Variants in NLGN1 observed in about 807,000 individuals in gnomAD.
NLGN1 encodes neuroligin-1.
NLGN1 carries 12 observed loss-of-function variants against 65.5 expected under a neutral mutation model. The observed-to-expected ratio is 0.18, with a 90% CI of 0.12 to 0.30. The LOEUF is 0.30. Ranked by LOEUF, NLGN1 falls within the 10% of genes least tolerant of loss-of-function variation. NLGN1 has a pLI of 1.00. For missense variants in NLGN1, 750 were observed against 1,007.1 expected (o/e 0.74, Z 3.46); for synonymous variants, 350 against 359.5 (o/e 0.97, Z 0.30).
At chr3:173,642,766 T>C (rs1209222523) in intron 3 of NLGN1, among the ~76,000 whole-genome samples, 1 of 152,078 alleles carries the variant, frequency 6.6e-6, no homozygotes, top group Non-Finnish European at 1.5e-5. Flanking sequence ...TGCAAACATA[T>C]CCAGCACCCA....
intron 4 of NLGN1, among the ~76,000 whole-genome samples, chr3:174,138,762 T>G (rs1721721826): frequency 6.6e-6 from 1 of 152,160 alleles, no homozygotes; most frequent in African/African-American, 2.4e-5. Context: ...TAGTTCTTTA[T>G]GCACAGCTGC....
chr3:174,114,063 G>A (rs144762901), intron 4 of NLGN1, among the ~76,000 whole-genome samples: 1 of 152,060 alleles, frequency 6.6e-6, no homozygotes, highest in Non-Finnish European at 1.5e-5. Context: ...TTTAGATTAA[G>A]TGGTACAAAA....
intron 4 of NLGN1, among the ~76,000 whole-genome samples, chr3:174,014,582 A>G (rs1366928203): frequency 6.6e-6 from 1 of 152,196 alleles, no homozygotes; most frequent in Non-Finnish European, 1.5e-5. Context: ...CACTCTTTGC[A>G]TGTATCTCAT....
downstream of NLGN1, among the ~76,000 whole-genome samples, chr3:174,289,653 A>G (rs1000085238): frequency 6.6e-6 from 1 of 151,138 alleles, no homozygotes; most frequent in Non-Finnish European, 1.5e-5. Flanking sequence ...TAAGATGTGA[A>G]TTTAGGCCAG....
chr3:174,112,869 A>C (rs553945888), intron 4 of NLGN1, among the ~76,000 whole-genome samples: 1 of 151,948 alleles, frequency 6.6e-6, no homozygotes. Context: ...GTCAGTGAAC[A>C]TATGAATTCA....
rs550225254 is a variant in NLGN1 at position 173,565,797 on chromosome 3, A to G, written c.-320-38482A>G. Among the ~76,000 whole-genome samples, 11 of 152,350 alleles carry G rather than the reference A, an allele frequency of 7.2e-5. No individual in the cohort carries two copies. The East Asian group carries it at 1.7e-3, about 24-fold the overall frequency. On this transcript the variant is annotated intron_variant, in intron 2 of 6. Transcript: ENST00000457714. ...ACCTGACAATTTTTATTTGAGCACA[A>G]TTAATTGCAAGGAAGATGAAGCAGA...
intron 4 of NLGN1, among the ~76,000 whole-genome samples, chr3:173,996,979 T>C (rs1459693860): frequency 1.3e-5 from 2 of 151,204 alleles, no homozygotes; most frequent in Admixed American, 6.6e-5. Flanking sequence ...CAAGACAATG[T>C]TTTTTAAATA....
chr3:173,518,760 T>G (rs140816800), intron 2 of NLGN1, among the ~76,000 whole-genome samples: 156 of 152,246 alleles, frequency 1.0e-3, no homozygotes, highest in African/African-American at 3.5e-3. Flanking sequence ...TGTAAAACTT[T>G]GAAAAATGTG....
intron 2 of NLGN1, among the ~76,000 whole-genome samples, chr3:173,488,790 A>G (rs1208507797): frequency 1.3e-5 from 2 of 151,932 alleles, no homozygotes; most frequent in African/African-American, 4.8e-5. Context: ...GATCATTAAT[A>G]TATTGTATCT....
chr3:174,211,068 T>C (rs981967312), intron 4 of NLGN1, among the ~76,000 whole-genome samples: 1 of 152,144 alleles, frequency 6.6e-6, no homozygotes, highest in Non-Finnish European at 1.5e-5. Flanking sequence ...TTCCTTCTGG[T>C]GGGTTCGTGG....
chr3:173,993,961 C>G (rs1721700814), intron 4 of NLGN1, among the ~76,000 whole-genome samples: 1 of 151,432 alleles, frequency 6.6e-6, no homozygotes, highest in African/African-American at 2.4e-5. Flanking sequence ...AACTAGGAAC[C>G]CAATTTAAGG....
intron 4 of NLGN1, among the ~76,000 whole-genome samples, chr3:174,227,249 T>A (rs1430568941): frequency 6.6e-6 from 1 of 152,172 alleles, no homozygotes; most frequent in Non-Finnish European, 1.5e-5. Context: ...TATGAATTCA[T>A]TACGTTAATC....
At position 174,082,629 on chromosome 3, in the gene NLGN1, C is replaced by G. The variant is rs149358759; in HGVS notation, c.647-192686C>G. ...TATACAATATCTACTAAGATTGGAG[C>G]TTTGTTTTAAAAAGCAATACATTTT... is the stretch of plus-strand genomic sequence containing the variant. On this transcript the variant is annotated intron_variant, in intron 4 of 6. Coordinates refer to ENST00000457714, the Ensembl canonical transcript of NLGN1. Among the ~76,000 whole-genome samples, 935 of 151,546 alleles carry G rather than the reference C, an allele frequency of 6.2e-3. 21 individuals are homozygous for G. The highest frequency in any genetic ancestry group is 0.037 in the East Asian group (193 of 5,166).
At chr3:174,241,693 C>G (rs551764139) in intron 4 of NLGN1, among the ~76,000 whole-genome samples, 3 of 151,548 alleles carry the variant, frequency 2.0e-5, no homozygotes, top group East Asian at 3.9e-4. Flanking sequence ...TCGTTCTGTC[C>G]CCCAGGCTGG....
chr3:173,913,183 T>C (rs1739986728), intron 4 of NLGN1, among the ~76,000 whole-genome samples: 1 of 152,034 alleles, frequency 6.6e-6, no homozygotes, highest in Non-Finnish European at 1.5e-5. Flanking sequence ...AGAAAAACAT[T>C]TATAAGAAAG....
At chr3:173,473,046 T>C (rs1216010836) in intron 2 of NLGN1, among the ~76,000 whole-genome samples, 1 of 152,154 alleles carries the variant, frequency 6.6e-6, no homozygotes, top group East Asian at 1.9e-4. Context: ...CAATTGTGTA[T>C]AAAGCTTATT....
chr3:173,575,871 TC>T (rs1745423792), intron 2 of NLGN1, among the ~76,000 whole-genome samples: 1 of 152,162 alleles, frequency 6.6e-6, no homozygotes, highest in African/African-American at 2.4e-5. Flanking sequence ...GCCTTTGTGA[TC>T]CTTTATCTAG....
chr3:174,066,007 A>C (rs1308385375), intron 4 of NLGN1, among the ~76,000 whole-genome samples: 1 of 152,184 alleles, frequency 6.6e-6, no homozygotes, highest in Non-Finnish European at 1.5e-5. Context: ...AATAAATATA[A>C]TTGAAGTTTT....
At chr3:173,813,754 T>A (rs1560424320) in intron 4 of NLGN1, among the ~76,000 whole-genome samples, 2 of 152,178 alleles carry the variant, frequency 1.3e-5, no homozygotes, top group African/African-American at 4.8e-5. Context: ...TAAAATATAA[T>A]GGATTTAATT....
Sources: allele counts gnomAD v4.1 joint callset (sites outside exome capture counted in the v4.1 genomes callset), GRCh38; gene constraint gnomAD v4.1.1; transcripts MANE v1.5; gene names NCBI Gene and HGNC (gene_info 2026-07-23, HGNC 2026-07-21).